Variants in FAM135A observed in about 807,000 individuals in gnomAD.
FAM135A encodes family with sequence similarity 135 member A.
Under a neutral mutation model 146.8 loss-of-function variants are expected in FAM135A, and 79 were observed. The ratio of observed to expected loss-of-function variants is 0.54; its 90% CI spans 0.45 to 0.65. The LOEUF (loss-of-function observed/expected upper bound fraction) is 0.65, where lower values mean the gene tolerates loss of function less well. Among genes scored for constraint, FAM135A ranks in the 30% least tolerant of loss-of-function variants. The probability of loss-of-function intolerance (pLI) is 0.00; values close to 1 mark genes in which losing one functional copy is unlikely to be tolerated. For missense variants in FAM135A, 1,623 were observed against 1,758.2 expected (o/e 0.92, Z 1.38); for synonymous variants, 562 against 603.6 (o/e 0.93, Z 1.01).
chr6:70,429,342 A>G (rs1046347995), intron 4 of FAM135A, among the ~76,000 whole-genome samples: 1 of 151,966 alleles, frequency 6.6e-6, no homozygotes, highest in African/African-American at 2.4e-5. Context: ...GTGAAACCCT[A>G]CCTCTACTAA....
At position 70,536,219 on chromosome 6, in the gene FAM135A, A is replaced by G. The variant is rs149301577; in HGVS notation, c.3966-41A>G. The G allele has an allele frequency of 1.9e-4, 298 of 1,545,550 alleles. 3 individuals are homozygous for G. In the East Asian group the frequency reaches 4.5e-3, roughly 23 times the overall value. ...ATCAGCTTTGATTTTTGTTTCTAAA[A>G]CTAATGCTGTGAGAAAATTAATTTT... On this transcript the variant is annotated intron_variant, in intron 18 of 21. Coordinates refer to ENST00000418814, the MANE Select transcript of FAM135A (RefSeq NM_001162529.3).
intron 16 of FAM135A, among the ~76,000 whole-genome samples, chr6:70,532,246 A>G (rs181652460): frequency 1.3e-5 from 2 of 152,228 alleles, no homozygotes; most frequent in East Asian, 1.9e-4. Flanking sequence ...ACAAATTAGT[A>G]TGTGTTTATT....
chr6:70,500,014 A>G (rs1239424038), intron 11 of FAM135A, among the ~76,000 whole-genome samples: 1 of 152,044 alleles, frequency 6.6e-6, no homozygotes, highest in Non-Finnish European at 1.5e-5. Flanking sequence ...CTGAGTTTGA[A>G]TGTTGGCCTG....
intron 5 of FAM135A, among the ~76,000 whole-genome samples, chr6:70,468,679 G>C (rs1473374697): frequency 6.6e-6 from 1 of 152,188 alleles, no homozygotes; most frequent in Non-Finnish European, 1.5e-5. Context: ...AGATTTTACA[G>C]TTCTTGAAAT....
chr6:70,517,746 T>A (rs1251572711), intron 12 of FAM135A, among the ~76,000 whole-genome samples: 1 of 152,122 alleles, frequency 6.6e-6, no homozygotes, highest in Non-Finnish European at 1.5e-5. Context: ...GGGTAATTTT[T>A]TTTCTTTAAA....
intron 10 of FAM135A, among the ~76,000 whole-genome samples, chr6:70,485,748 G>A (rs1582466531): frequency 6.6e-6 from 1 of 152,086 alleles, no homozygotes; most frequent in Admixed American, 6.6e-5. Context: ...CCAGATGAAT[G>A]ATGTACATTT....
chr6:70,463,558 C>G (rs1315794183), intron 5 of FAM135A, among the ~76,000 whole-genome samples: 1 of 152,098 alleles, frequency 6.6e-6, no homozygotes, highest in East Asian at 1.9e-4. Context: ...CCACTCCTGG[C>G]CCATAGCATT....
At chr6:70,437,719 G>A (rs1415343819) in intron 4 of FAM135A, among the ~76,000 whole-genome samples, 2 of 152,038 alleles carry the variant, frequency 1.3e-5, no homozygotes, top group Non-Finnish European at 2.9e-5. Flanking sequence ...TTAGAACTCG[G>A]AATTAGGGAA....
intron 5 of FAM135A, among the ~76,000 whole-genome samples, chr6:70,460,113 C>T (rs542556093): frequency 4.6e-5 from 7 of 152,268 alleles, no homozygotes; most frequent in East Asian, 1.9e-4. Flanking sequence ...AACTTTTACC[C>T]GTGTCTCTAG....
chr6:70,425,407 C>G (rs1235177296), intron 2 of FAM135A, among the ~76,000 whole-genome samples: 7 of 152,080 alleles, frequency 4.6e-5, no homozygotes, highest in Admixed American at 1.3e-4. Context: ...TGGGGAATAT[C>G]TTATATAAAG....
chr6:70,558,514 A>G (rs1373937755), intron 21 of FAM135A, among the ~76,000 whole-genome samples: 2 of 152,208 alleles, frequency 1.3e-5, no homozygotes, highest in African/African-American at 4.8e-5. Flanking sequence ...CATTGTAAGA[A>G]TTAGCTAAAC....
intron 12 of FAM135A, among the ~76,000 whole-genome samples, chr6:70,505,437 G>A (rs1200725606): frequency 6.6e-6 from 1 of 151,892 alleles, no homozygotes; most frequent in Non-Finnish European, 1.5e-5. Flanking sequence ...TTTTTGAAGA[G>A]TATTGGCCAG....
Position 70,522,496 on chromosome 6 carries a change from C to T in FAM135A, c.1030-17C>T. The T allele has an allele frequency of 6.2e-7, 1 of 1,611,644 alleles. No individual in the cohort carries two copies. The highest frequency in any genetic ancestry group is 8.5e-7 in the Non-Finnish European group (1 of 1,178,284). On this transcript the variant is annotated splice_polypyrimidine_tract_variant and intron_variant, in intron 12 of 21. Transcript: ENST00000418814. ...AAATACGTCATGTTATTAATACTCT[C>T]CTTTGGAATTTTTTAGGTACGCAGA...
intron 12 of FAM135A, among the ~76,000 whole-genome samples, chr6:70,520,468 T>G (rs1445605280): frequency 6.6e-6 from 1 of 152,200 alleles, no homozygotes. Context: ...GTTAGCAATT[T>G]GAACAGCATT....
At chr6:70,523,320 A>C (rs578104822) in intron 13 of FAM135A, among the ~76,000 whole-genome samples, 2 of 151,602 alleles carry the variant, frequency 1.3e-5, no homozygotes, top group East Asian at 3.9e-4. Context: ...ATTATACCAC[A>C]AAAAAAATCC....
chr6:70,531,364 T>A (rs1795772575), intron 16 of FAM135A, among the ~76,000 whole-genome samples: 1 of 152,340 alleles, frequency 6.6e-6, no homozygotes, highest in Non-Finnish European at 1.5e-5. Context: ...ATGATACTGG[T>A]AAAGCCATGT....
intron 18 of FAM135A, among the ~76,000 whole-genome samples, chr6:70,535,017 T>C (rs1427183995): frequency 6.6e-6 from 1 of 152,226 alleles, no homozygotes; most frequent in African/African-American, 2.4e-5. Flanking sequence ...CTTTTATTCA[T>C]TTATTTTATG....
At chr6:70,496,616 T>A (rs570885435) in intron 11 of FAM135A, among the ~76,000 whole-genome samples, 2 of 152,220 alleles carry the variant, frequency 1.3e-5, no homozygotes, top group Non-Finnish European at 2.9e-5. Flanking sequence ...TAGGTTTTCT[T>A]GTAGAGTTTG....
chr6:70,525,370 T>C lies in FAM135A; in HGVS notation c.2286T>C (p.Tyr762=). ...TIKLPDISAT[Y]ASSRFSDSGV... ...AGTTACCAGATATTAGTGCCACATA[T>C]GCCTCATCTAGATTTTCAGATTCAG... Residue 762 remains tyrosine (Y), a synonymous_variant, in exon 15 of 22, where the codon TAT becomes TAC. Transcript: ENST00000418814. 6.2e-7 allele frequency: 1 copy of C among 1,613,736 alleles called. No homozygotes were observed. The highest frequency in any genetic ancestry group is 1.1e-5 in the South Asian group (1 of 91,064).
Sources: gnomAD v4.1 joint callset for allele counts (sites outside exome capture counted in the v4.1 genomes callset) on GRCh38, gnomAD v4.1.1 for gene constraint, MANE v1.5 for transcripts, NCBI Gene and HGNC (gene_info 2026-07-23, HGNC 2026-07-21) for gene names.